SORCS2: variants seen among roughly 807,000 people sequenced by gnomAD.
The protein encoded by SORCS2 is sortilin related VPS10 domain containing receptor 2, also known as VPS10 domain-containing receptor SorCS2.
Under a neutral mutation model 141.6 loss-of-function variants are expected in SORCS2, and 100 were observed. That is an observed-to-expected ratio of 0.71 (90% CI 0.60 to 0.83). The LOEUF (loss-of-function observed/expected upper bound fraction) is 0.83. SORCS2 is among the 40% of genes least tolerant of loss of function. The pLI, the probability that SORCS2 is intolerant of heterozygous loss-of-function variation, is 0.00. For synonymous variants in SORCS2, 789 were observed against 676.9 expected (o/e 1.17, Z -2.57); for missense variants, 1,646 against 1,560.2 (o/e 1.05, Z -0.93).
intron 1 of SORCS2, among the ~76,000 whole-genome samples, chr4:7,333,585 G>A (rs1719797289): frequency 6.6e-6 from 1 of 152,104 alleles, no homozygotes; most frequent in African/African-American, 2.4e-5. Flanking sequence ...GGGTGCCCAG[G>A]GCCCTCGTCG....
At chr4:7,415,604 G>A (rs1308661700) in intron 2 of SORCS2, among the ~76,000 whole-genome samples, 1 of 152,210 alleles carries the variant, frequency 6.6e-6, no homozygotes, top group Non-Finnish European at 1.5e-5. Flanking sequence ...AAGGTAATAT[G>A]CTTGCGCTGT....
At chr4:7,259,823 C>A (rs149143672) in intron 1 of SORCS2, among the ~76,000 whole-genome samples, 1 of 152,244 alleles carries the variant, frequency 6.6e-6, no homozygotes. Context: ...GAGAAGTCGG[C>A]CCCCTGCACT....
At chr4:7,380,663 C>T (rs115439935) in intron 1 of SORCS2, among the ~76,000 whole-genome samples, 159 of 152,346 alleles carry the variant, frequency 1.0e-3, no homozygotes, top group African/African-American at 3.3e-3. Context: ...AAAGTCAGGG[C>T]GGGGCGTAGG....
chr4:7,557,659 G>C (rs1270104164), intron 3 of SORCS2, among the ~76,000 whole-genome samples: 1 of 152,156 alleles, frequency 6.6e-6, no homozygotes, highest in Non-Finnish European at 1.5e-5. Context: ...CTTTAAAAAG[G>C]ATCATTCCTA....
intron 1 of SORCS2, among the ~76,000 whole-genome samples, chr4:7,311,957 T>C (rs1179833704): frequency 2.6e-5 from 4 of 152,078 alleles, no homozygotes; most frequent in African/African-American, 9.7e-5. Context: ...CTCACTGCAA[T>C]TGGCGCCTCC....
intron 1 of SORCS2, among the ~76,000 whole-genome samples, chr4:7,318,499 C>T (rs1051568670): frequency 2.0e-5 from 3 of 152,234 alleles, no homozygotes; most frequent in Non-Finnish European, 1.5e-5. Flanking sequence ...CACACCTGAG[C>T]AAACCTGGCT....
chr4:7,317,587 G>A (rs777147538), intron 1 of SORCS2, among the ~76,000 whole-genome samples: 18 of 152,124 alleles, frequency 1.2e-4, no homozygotes, highest in Non-Finnish European at 2.5e-4. Flanking sequence ...TCTTCCCCAT[G>A]GGCCTGCGGC....
chr4:7,196,376 GT>G lies in SORCS2; in HGVS notation c.480+3252del, dbSNP rs201460590. On this transcript the variant is annotated intron_variant, in intron 1 of 26. Coordinates refer to ENST00000507866, the MANE Select transcript of SORCS2 (RefSeq NM_020777.3). Reference sequence around the variant, plus strand: ...TCAGCCTCTGGGGTTGCGGTTTCATGTTATTCCTATGGGGAATGTGCTGTGC... The same window carrying G: ...TCAGCCTCTGGGGTTGCGGTTTCATGTATTCCTATGGGGAATGTGCTGTGC... 5.3e-4 allele frequency among the ~76,000 whole-genome samples: 81 copies of G among 152,266 alleles called. 1 individual carries two copies. The East Asian group carries it at 0.015, about 29-fold the overall frequency.
chr4:7,631,393 C>T, intron 3 of SORCS2, among the ~76,000 whole-genome samples: 1 of 151,284 alleles, frequency 6.6e-6, no homozygotes, highest in South Asian at 2.1e-4. Flanking sequence ...CCTGGCCAGG[C>T]AGGGAGGGGG....
In SORCS2 at chr4:7,740,419, A is replaced by C; in HGVS notation, c.*155A>C. 1 of 676,910 alleles carries C rather than the reference A, an allele frequency of 1.5e-6. No homozygotes were observed. The highest frequency in any genetic ancestry group is 2.8e-5 in the East Asian group (1 of 35,934). 41.9% of individuals were successfully genotyped at this position (676,910 alleles called of 1,614,324 possible). A position where few individuals can be genotyped will look rare whatever the true frequency, so the allele number is the denominator to read the frequency against. On this transcript the variant is annotated 3_prime_UTR_variant, in exon 27 of 27. Transcript: ENST00000507866. ...GGCACCACCCCCTCTGATAAATCCA[A>C]GCCCGCCCAGGCCCACGGGGGGCCC...
chr4:7,348,597 G>C (rs1470791427), intron 1 of SORCS2, among the ~76,000 whole-genome samples: 1 of 152,220 alleles, frequency 6.6e-6, no homozygotes, highest in African/African-American at 2.4e-5. Flanking sequence ...TGTTGCCCAG[G>C]CTGGAGTGCA....
Position 7,413,391 on chromosome 4 carries a change from C to CTTTTTTTTTTTTTTTTT in SORCS2, c.548+17040_548+17056dup, listed in dbSNP as rs34379092. ...ATGATCCTCCGTATTTTCACAGCTG[C>CTTTTTTTTTTTTTTTTT]TTTTTTTTTTTTTTTTTTTTGAGAT... On this transcript the variant is annotated intron_variant, in intron 2 of 26. Transcript: ENST00000507866. Among the ~76,000 whole-genome samples, 276 of 84,818 alleles carry CTTTTTTTTTTTTTTTTT rather than the reference C, an allele frequency of 3.3e-3. 53 individuals are homozygous for CTTTTTTTTTTTTTTTTT. Among genetic ancestry groups the CTTTTTTTTTTTTTTTTT allele is most frequent in the Non-Finnish European group, 4.6e-3 (210 of 45,600 alleles). 55.6% of individuals were successfully genotyped at this position (84,818 alleles called of 152,430 possible). A position where few individuals can be genotyped will look rare whatever the true frequency, so the allele number is the denominator to read the frequency against.
chr4:7,467,751 G>C (rs1484683533), intron 2 of SORCS2, among the ~76,000 whole-genome samples: 2 of 152,340 alleles, frequency 1.3e-5, no homozygotes, highest in East Asian at 1.9e-4. Context: ...CACAAAATGA[G>C]GGGCTGCATT....
Position 7,277,421 on chromosome 4 carries a change from C to G in SORCS2, c.480+84295C>G, listed in dbSNP as rs1175936820. Among the ~76,000 whole-genome samples, 5 of 152,168 alleles carry G rather than the reference C, an allele frequency of 3.3e-5. No individual in the cohort carries two copies. The South Asian group carries it at 1.0e-3, about 32-fold the overall frequency. Reference sequence around the variant, plus strand: ...GTGTGTGTGCAGCTTCTCCTCAATACAGACGGGCTTTCCGTGACGAAGATG... The same window carrying G: ...GTGTGTGTGCAGCTTCTCCTCAATAGAGACGGGCTTTCCGTGACGAAGATG... On this transcript the variant is annotated intron_variant, in intron 1 of 26. Coordinates refer to ENST00000507866, the MANE Select transcript of SORCS2 (RefSeq NM_020777.3).
At chr4:7,215,789 A>T (rs2108752177) in intron 1 of SORCS2, among the ~76,000 whole-genome samples, 1 of 152,198 alleles carries the variant, frequency 6.6e-6, no homozygotes, top group Non-Finnish European at 1.5e-5. Flanking sequence ...TGTGTGTCGA[A>T]ACTGTGTATC....
intron 1 of SORCS2, among the ~76,000 whole-genome samples, chr4:7,368,519 A>G (rs1250940211): frequency 6.6e-6 from 1 of 151,878 alleles, no homozygotes; most frequent in Admixed American, 6.6e-5. Flanking sequence ...GCACCCCATC[A>G]CCATGCTGGG....
chr4:7,210,876 C>A (rs1439248854), intron 1 of SORCS2, among the ~76,000 whole-genome samples: 1 of 152,192 alleles, frequency 6.6e-6, no homozygotes, highest in African/African-American at 2.4e-5. Context: ...GAGCCCCCAA[C>A]AAGAGAAGCT....
chr4:7,731,628 T>C (rs1711695447), intron 23 of SORCS2, among the ~76,000 whole-genome samples: 1 of 152,118 alleles, frequency 6.6e-6, no homozygotes, highest in South Asian at 2.1e-4. Flanking sequence ...CACAGACCCA[T>C]GGAACAGAAT....
intron 4 of SORCS2, among the ~76,000 whole-genome samples, chr4:7,649,324 G>A (rs1367483728): frequency 2.7e-5 from 4 of 150,832 alleles, no homozygotes; most frequent in Admixed American, 2.6e-4. Context: ...GGAGTGAGCA[G>A]GATGGCAGCC....
Sources: allele counts gnomAD v4.1 joint callset (sites outside exome capture counted in the v4.1 genomes callset), GRCh38; gene constraint gnomAD v4.1.1; transcripts MANE v1.5; gene names NCBI Gene and HGNC (gene_info 2026-07-23, HGNC 2026-07-21).